The following COLQ variants were observed in gnomAD, a reference collection of about 807,000 sequenced individuals.
COLQ encodes collagen like tail subunit of asymmetric acetylcholinesterase.
COLQ carries 48 observed loss-of-function variants against 69.0 expected under a neutral mutation model. That is an observed-to-expected ratio of 0.70 (90% CI 0.55 to 0.88). The LOEUF (loss-of-function observed/expected upper bound fraction) is 0.88, where lower values mean the gene tolerates loss of function less well. COLQ is among the 40% of genes least tolerant of loss of function. The pLI is 0.00. For synonymous variants in COLQ, 217 were observed against 211.2 expected (o/e 1.03, Z -0.24); for missense variants, 618 against 594.6 (o/e 1.04, Z -0.41).
At chr3:15,510,417 A>T (rs1258950919) in intron 1 of COLQ, among the ~76,000 whole-genome samples, 1 of 151,836 alleles carries the variant, frequency 6.6e-6, no homozygotes, top group East Asian at 2.0e-4. Context: ...ATATTAAGAA[A>T]TTAAACCGTG....
At position 15,470,591 on chromosome 3, in the gene COLQ, G is replaced by T; in HGVS notation, c.662C>A (p.Pro221His). ...QKGEMGPKGE[P>H]GIAGHRGPTG... Reference sequence around the variant, plus strand: ...GGGTCCTCGGTGTCCTGCTATCCCAGGTTCACCTTTTGGACCCATTTCACC... The same window carrying T: ...GGGTCCTCGGTGTCCTGCTATCCCATGTTCACCTTTTGGACCCATTTCACC... Residue 221 changes from proline to histidine, a missense_variant, in exon 11 of 17, where the codon CCT becomes CAT. Transcript: ENST00000383788. The T allele has an allele frequency of 6.2e-7, 1 of 1,614,124 alleles. No individual in the cohort carries two copies. Among genetic ancestry groups the T allele is most frequent in the South Asian group, 1.1e-5 (1 of 91,078 alleles).
At chr3:15,498,489 G>GCACACACGCA in intron 1 of COLQ, 2 of 1,399,134 alleles carry the variant, frequency 1.4e-6, no homozygotes, top group East Asian at 2.6e-5. Flanking sequence ...ACACACACGT[G>GCACACACGCA]CACACACGCA....
intron 15 of COLQ, among the ~76,000 whole-genome samples, chr3:15,454,836 T>A (rs731561): frequency 0.022 from 3,394 of 151,990 alleles, 124 homozygotes; most frequent in African/African-American, 0.077. Context: ...TTTTAATTTT[T>A]ATTTTTTTTT....
rs748137813 is a variant in COLQ at position 15,488,187 on chromosome 3, T to C, written c.321+19A>G. On this transcript the variant is annotated intron_variant, in intron 3 of 16. Transcript: ENST00000383788. ...TCTAAACAGAAGACAGCGAGAGGGG[T>C]CCGGTAGAGTGCACCAACCTGGGGG... is the stretch of plus-strand genomic sequence containing the variant. The C allele has an allele frequency of 1.3e-6, 2 of 1,579,008 alleles. No individual in the cohort carries two copies. The highest frequency in any genetic ancestry group is 1.7e-6 in the Non-Finnish European group (2 of 1,151,716).
intron 14 of COLQ, 76 bp downstream of exon 14, chr3:15,456,384 T>A: frequency 6.3e-7 from 1 of 1,592,732 alleles, no homozygotes. Flanking sequence ...CCCAGTGGGG[T>A]GGCCTTCCCT....
intron 1 of COLQ, among the ~76,000 whole-genome samples, chr3:15,492,523 C>T (rs1358389070): frequency 2.0e-5 from 3 of 152,172 alleles, no homozygotes; most frequent in Admixed American, 6.5e-5. Context: ...AAAAATTAGC[C>T]GGGCGTAGTG....
intron 3 of COLQ, among the ~76,000 whole-genome samples, chr3:15,486,423 G>C (rs2062575973): frequency 6.6e-6 from 1 of 152,212 alleles, no homozygotes; most frequent in Non-Finnish European, 1.5e-5. Flanking sequence ...TGTGTTCTAA[G>C]GACATGAAGG....
chr3:15,515,903 G>T (rs899924474), intron 1 of COLQ, among the ~76,000 whole-genome samples: 1 of 152,226 alleles, frequency 6.6e-6, no homozygotes, highest in Non-Finnish European at 1.5e-5. Flanking sequence ...GTTCACTCTG[G>T]AGCTGTGTTG....
chr3:15,463,260 C>T (rs1250698967), intron 12 of COLQ, among the ~76,000 whole-genome samples: 1 of 42,970 alleles, frequency 2.3e-5, no homozygotes, highest in Non-Finnish European at 4.5e-5. Context: ...CCTACACATC[C>T]CACATCCACC....
Position 15,456,535 on chromosome 3 carries a change from G to T in COLQ, c.999C>A (p.Thr333=), listed in dbSNP as rs774279832. The T allele has an allele frequency of 1.1e-5, 18 of 1,614,138 alleles. No homozygotes were observed. The highest frequency in any genetic ancestry group is 5.5e-5 in the South Asian group (5 of 91,076). Residue 333 remains threonine (T), a synonymous_variant, in exon 14 of 17, where the codon ACC becomes ACA. Transcript: ENST00000383788. The part of the protein sequence containing the change: ...NNQEELERLN[T]QNAIAFRRDQ... ...CTCTGCGGAAGGCAATGGCGTTTTG[G>T]GTGTTCAGCCTCTCAAGCTCCTCCT...
At position 15,466,357 on chromosome 3, in the gene COLQ, T is replaced by TGGGGGCCCC; in HGVS notation, c.789_797dup (p.Gly267_Pro269dup). The TGGGGGCCCC allele has an allele frequency of 6.2e-7, 1 of 1,613,434 alleles. No individual in the cohort carries two copies. Among genetic ancestry groups the TGGGGGCCCC allele is most frequent in the African/African-American group, 1.3e-5 (1 of 75,036 alleles). On this transcript the variant is annotated inframe_insertion, in exon 12 of 17. Coordinates refer to ENST00000383788, the MANE Select transcript of COLQ (RefSeq NM_005677.4). ...AGCTCTTACCTGCAGGTGGGGGGCC[T>TGGGGGCCCC]GGGGGCCCCGGACGGCCAGGTTGAC...
chr3:15,497,376 C>A (rs566501569), intron 1 of COLQ, among the ~76,000 whole-genome samples: 2 of 152,204 alleles, frequency 1.3e-5, no homozygotes, highest in East Asian at 3.9e-4. Context: ...AAGTATGACA[C>A]CAGAACCACC....
intron 7 of COLQ, 105 bp from the exon 8 acceptor site, chr3:15,475,056 C>T: frequency 4.0e-6 from 5 of 1,252,588 alleles, no homozygotes; most frequent in Non-Finnish European, 5.9e-6. Context: ...TATGTCTCCA[C>T]ATTGCACTGT....
chr3:15,486,322 G>T (rs1056493663), intron 3 of COLQ, among the ~76,000 whole-genome samples: 1 of 152,144 alleles, frequency 6.6e-6, no homozygotes, highest in Non-Finnish European at 1.5e-5. Flanking sequence ...ATTTGTCAGG[G>T]GGATGACATT....
chr3:15,505,946 C>A (rs532185616), intron 1 of COLQ, among the ~76,000 whole-genome samples: 1 of 152,236 alleles, frequency 6.6e-6, no homozygotes, highest in East Asian at 1.9e-4. Context: ...CTGCACCCCC[C>A]ATCCCACCTC....
chr3:15,486,873 T>C (rs911661324), intron 3 of COLQ, among the ~76,000 whole-genome samples: 77 of 152,212 alleles, frequency 5.1e-4, no homozygotes, highest in African/African-American at 1.8e-3. Context: ...AAGGCTACAT[T>C]GTCAATATCT....
intron 1 of COLQ, among the ~76,000 whole-genome samples, chr3:15,512,668 T>A (rs2063003538): frequency 6.6e-6 from 1 of 151,558 alleles, no homozygotes; most frequent in Non-Finnish European, 1.5e-5. Context: ...ATCTGACCTC[T>A]TGCCATGTGT....
intron 10 of COLQ, among the ~76,000 whole-genome samples, chr3:15,471,642 G>A (rs1253791134): frequency 6.6e-6 from 1 of 152,194 alleles, no homozygotes; most frequent in Non-Finnish European, 1.5e-5. Context: ...TTTTTCACAT[G>A]GCAGTCAGAG....
At chr3:15,484,520 T>G (rs1007549840) in intron 3 of COLQ, among the ~76,000 whole-genome samples, 17 of 152,234 alleles carry the variant, frequency 1.1e-4, no homozygotes, top group African/African-American at 4.1e-4. Context: ...TTTTCCAACT[T>G]GATTCCATTC....
Sources: gnomAD v4.1 joint callset for allele counts (sites outside exome capture counted in the v4.1 genomes callset) on GRCh38, gnomAD v4.1.1 for gene constraint, MANE v1.5 for transcripts, NCBI Gene and HGNC (gene_info 2026-07-23, HGNC 2026-07-21) for gene names.